The following CADPS variants were observed in gnomAD, a reference collection of about 807,000 sequenced individuals.
CADPS encodes calcium dependent secretion activator.
Under a neutral mutation model 167.3 loss-of-function variants are expected in CADPS, and 57 were observed. That is an observed-to-expected ratio of 0.34 (90% CI 0.28 to 0.42). CADPS has a LOEUF of 0.42. CADPS is among the 20% of genes least tolerant of loss of function. CADPS has a pLI of 1.00. For synonymous variants in CADPS, 676 were observed against 635.3 expected, an observed-to-expected ratio of 1.06 and a Z score of -0.96; for missense variants, 1,414 against 1,738.1, an observed-to-expected ratio of 0.81 and a Z score of 3.32.
At chr3:62,604,084 C>G (rs1387275146) in intron 6 of CADPS, among the ~76,000 whole-genome samples, 1 of 152,072 alleles carries the variant, frequency 6.6e-6, no homozygotes, top group African/African-American at 2.4e-5. Flanking sequence ...CCCGCCTCAG[C>G]CTCCCAAAGT....
intron 3 of CADPS, among the ~76,000 whole-genome samples, chr3:62,706,735 CT>C (rs1312566077): frequency 5.9e-5 from 9 of 152,092 alleles, no homozygotes; most frequent in African/African-American, 2.2e-4. Flanking sequence ...CAGATTTCCC[CT>C]TTTTATAAGA....
intron 1 of CADPS, among the ~76,000 whole-genome samples, chr3:62,770,156 T>G (rs2088216625): frequency 6.6e-6 from 1 of 152,174 alleles, no homozygotes. Flanking sequence ...GCTGTTCCCT[T>G]TACCAGGGAT....
chr3:62,613,976 A>C (rs2061874216), intron 6 of CADPS, among the ~76,000 whole-genome samples: 1 of 152,110 alleles, frequency 6.6e-6, no homozygotes, highest in Non-Finnish European at 1.5e-5. Context: ...GCCAATCTGC[A>C]TGACCCTGAG....
At chr3:62,595,213 A>G (rs1208000828) in intron 6 of CADPS, among the ~76,000 whole-genome samples, 2 of 152,158 alleles carry the variant, frequency 1.3e-5, no homozygotes, top group Non-Finnish European at 2.9e-5. Flanking sequence ...AGAAAGCACA[A>G]CAGTCATAGT....
intron 1 of CADPS, among the ~76,000 whole-genome samples, chr3:62,817,470 A>C (rs1183018707): frequency 6.6e-6 from 1 of 152,166 alleles, no homozygotes; most frequent in East Asian, 1.9e-4. Context: ...TGGAAAAGGA[A>C]AAAATCTACT....
At chr3:62,463,987 C>T (rs981164936) in intron 26 of CADPS, among the ~76,000 whole-genome samples, 4 of 152,164 alleles carry the variant, frequency 2.6e-5, no homozygotes, top group African/African-American at 9.7e-5. Flanking sequence ...GGGGAAAGAT[C>T]AAAGTAGGGC....
At chr3:62,689,231 A>G (rs35644369) in intron 3 of CADPS, among the ~76,000 whole-genome samples, 12,032 of 149,740 alleles carry the variant, frequency 0.08, 624 homozygotes, top group Non-Finnish European at 0.12. Context: ...ACCTGAGCTG[A>G]AAAAAAAAAT....
At chr3:62,435,623 T>A (rs1215558077) in intron 28 of CADPS, among the ~76,000 whole-genome samples, 1 of 152,162 alleles carries the variant, frequency 6.6e-6, no homozygotes, top group Non-Finnish European at 1.5e-5. Flanking sequence ...AGTAAGAAAG[T>A]AAATGGCAAA....
At chr3:62,664,980 A>G (rs141238423) in intron 3 of CADPS, among the ~76,000 whole-genome samples, 3 of 152,320 alleles carry the variant, frequency 2.0e-5, no homozygotes, top group Admixed American at 2.0e-4. Flanking sequence ...TGATATGTCA[A>G]GATATTGGAA....
intron 1 of CADPS, chr3:62,779,742 A>G (rs1513140): frequency 0.029 from 10,393 of 359,816 alleles, 219 homozygotes; most frequent in South Asian, 0.051. Context: ...AGGTCCAAGG[A>G]AGATGTAGGT....
At chr3:62,594,125 T>A (rs562045287) in intron 6 of CADPS, among the ~76,000 whole-genome samples, 19 of 150,384 alleles carry the variant, frequency 1.3e-4, no homozygotes, top group African/African-American at 4.4e-4. Context: ...ATTATGATTT[T>A]TTTTATTTTT....
chr3:62,650,782 C>T (rs866116834), intron 5 of CADPS, 65 bp downstream of exon 5: 23 of 1,158,040 alleles, frequency 2.0e-5, no homozygotes, highest in South Asian at 4.0e-5. Flanking sequence ...CTGATTGTGA[C>T]GCATCTAATC....
At chr3:62,796,833 T>A (rs1394446539) in intron 1 of CADPS, among the ~76,000 whole-genome samples, 1 of 152,170 alleles carries the variant, frequency 6.6e-6, no homozygotes, top group East Asian at 1.9e-4. Flanking sequence ...TAGGAAATGT[T>A]GGAATCAAAA....
intron 6 of CADPS, among the ~76,000 whole-genome samples, chr3:62,608,354 C>T (rs1366206020): frequency 6.6e-6 from 1 of 151,618 alleles, no homozygotes; most frequent in African/African-American, 2.4e-5. Context: ...ACAATCTCGG[C>T]TCACGTCAAC....
At chr3:62,761,706 C>A (rs1010314694) in intron 2 of CADPS, among the ~76,000 whole-genome samples, 1 of 151,672 alleles carries the variant, frequency 6.6e-6, no homozygotes, top group Non-Finnish European at 1.5e-5. Flanking sequence ...AGGGAGAGAG[C>A]AAGGGAGGGC....
intron 6 of CADPS, among the ~76,000 whole-genome samples, chr3:62,638,870 C>G (rs2066855416): frequency 1.3e-5 from 2 of 152,160 alleles, no homozygotes; most frequent in South Asian, 2.1e-4. Context: ...TTCCACTTTT[C>G]AGGACTTGGA....
At chr3:62,707,166 C>A (rs1187049170) in intron 3 of CADPS, among the ~76,000 whole-genome samples, 1 of 152,058 alleles carries the variant, frequency 6.6e-6, no homozygotes, top group African/African-American at 2.4e-5. Flanking sequence ...CTCCTGAGCT[C>A]CACCTCCCAA....
intron 26 of CADPS, among the ~76,000 whole-genome samples, chr3:62,453,777 C>T (rs531603922): frequency 2.0e-5 from 3 of 152,144 alleles, no homozygotes; most frequent in African/African-American, 7.2e-5. Flanking sequence ...GAATCATAGA[C>T]AGCATGATGG....
chr3:62,777,318 C>T (rs2090539309), intron 1 of CADPS, among the ~76,000 whole-genome samples: 1 of 152,158 alleles, frequency 6.6e-6, no homozygotes. Flanking sequence ...TAGATAAGAA[C>T]ATTATCCTGT....
Sources: gnomAD v4.1 joint callset for allele counts (sites outside exome capture counted in the v4.1 genomes callset) on GRCh38, gnomAD v4.1.1 for gene constraint, MANE v1.5 for transcripts, NCBI Gene and HGNC (gene_info 2026-07-23, HGNC 2026-07-21) for gene names.